Variants in GBP3 observed in about 807,000 individuals in gnomAD.
GBP3 encodes the protein guanylate-binding protein 3.
GBP3 carries 55 observed loss-of-function variants against 62.4 expected under a neutral mutation model. The observed-to-expected ratio is 0.88, with a 90% CI of 0.71 to 1.10. GBP3 has a LOEUF of 1.10. Among genes scored for constraint, GBP3 ranks in the 50% least tolerant of loss-of-function variants. The pLI is 0.00. For missense variants in GBP3, 605 were observed against 690.6 expected (o/e 0.88, Z 1.39); for synonymous variants, 208 against 259.2 (o/e 0.80, Z 1.90).
intron 3 of GBP3, 81 bp downstream of exon 3, chr1:89,015,206 C>A (rs1175392085): frequency 1.4e-6 from 2 of 1,382,158 alleles, no homozygotes; most frequent in Non-Finnish European, 2.0e-6. Flanking sequence ...AATGCAAACT[C>A]TTCTTTAAGA....
chr1:89,021,499 T>TGC (rs143944083), intron 1 of GBP3, among the ~76,000 whole-genome samples: 4,365 of 118,918 alleles, frequency 0.037, 163 homozygotes, highest in East Asian at 0.15. Context: ...GAAACACGCA[T>TGC]GCGCGCGCGC....
At position 89,007,835 on chromosome 1, in the gene GBP3, T is replaced by C. The variant is rs1293103850; in HGVS notation, c.1677A>G (p.Leu559=). ...TACTTTCACCTTGGCATCTCTCCTT[T>C]AGTACTCGGGCCTGTTCCTAAAAAG... ...TSKLQEQARV[L]KERCQGESTQ... Residue 559 remains leucine, a synonymous_variant, in exon 11 of 11, where the codon CTA becomes CTG. Coordinates refer to ENST00000370481, the MANE Select transcript of GBP3 (RefSeq NM_018284.3). 1.9e-6 allele frequency: 3 copies of C among 1,613,634 alleles called. No individual in the cohort carries two copies. The highest frequency in any genetic ancestry group is 1.1e-5 in the South Asian group (1 of 91,044).
chr1:89,013,237 A>G lies in GBP3; in HGVS notation c.816T>C (p.Phe272=), dbSNP rs1240467632. 9 of 1,614,164 alleles carry G rather than the reference A, an allele frequency of 5.6e-6. No individual in the cohort carries two copies. Among genetic ancestry groups the G allele is most frequent in the Non-Finnish European group, 7.6e-6 (9 of 1,180,008 alleles). The part of the protein sequence containing the change: ...QQVADFCSYI[F]SNSKTKTLSG... ...AAAGAGTTTTAGTTTTGGAATTGCT[A>G]AAGATGTAGGAACAGAAGTCTGCTA... The change falls in exon 6 of 11, where the codon TTT becomes TTC. Residue 272 remains phenylalanine, a synonymous_variant. Transcript: ENST00000370481.
intron 10 of GBP3, 188 bp downstream of exon 10, chr1:89,008,759 A>C: frequency 9.0e-7 from 1 of 1,113,154 alleles, no homozygotes; most frequent in South Asian, 1.7e-5. Context: ...ACACCCTGCA[A>C]ATAAACTTTT....
chr1:89,012,147 T>A lies in GBP3; in HGVS notation c.869-120A>T, dbSNP rs6659829. ...CACAGCATCAAGGTCCTCAGAATCA[T>A]CTGGAAGCTTGCTGGAAATGCCTAT... On this transcript the variant is annotated intron_variant, in intron 6 of 10. Coordinates refer to ENST00000370481, the MANE Select transcript of GBP3 (RefSeq NM_018284.3). 2 of 1,011,772 alleles carry A rather than the reference T, an allele frequency of 2.0e-6. 1 individual carries two copies. Among genetic ancestry groups the A allele is most frequent in the Non-Finnish European group, 2.9e-6 (2 of 693,810 alleles). The allele number at this position is 1,011,772 out of a possible 1,614,324, so 62.7% of individuals were successfully genotyped here. A position where few individuals can be genotyped will look rare whatever the true frequency, so the allele number is the denominator to read the frequency against.
intron 8 of GBP3, among the ~76,000 whole-genome samples, chr1:89,009,944 CCA>C (rs1678461745): frequency 6.6e-6 from 1 of 152,130 alleles, no homozygotes; most frequent in South Asian, 2.1e-4. Flanking sequence ...TCCTTTAAAT[CCA>C]GTTTGAAACC....
At chr1:89,017,490 A>G (rs10922538) in intron 2 of GBP3, among the ~76,000 whole-genome samples, 11,962 of 152,240 alleles carry the variant, frequency 0.079, 1,574 homozygotes, top group African/African-American at 0.27. Context: ...AAAATGAAAA[A>G]CTTTTGTGCA....
rs1678292384 is a variant in GBP3, at chr1:89,007,658, C to T, written c.*66G>A. 2 of 1,469,990 alleles carry T rather than the reference C, an allele frequency of 1.4e-6. No homozygotes were observed. The highest frequency in any genetic ancestry group is 1.9e-6 in the Non-Finnish European group (2 of 1,073,586). 91.1% of individuals were successfully genotyped at this position (1,469,990 alleles called of 1,614,324 possible). On this transcript the variant is annotated 3_prime_UTR_variant, in exon 11 of 11. Coordinates refer to ENST00000370481, the MANE Select transcript of GBP3 (RefSeq NM_018284.3). Reference sequence around the variant, plus strand: ...CTAATTATTATCAAATATAGTGACACTTGTTCCAAATTCTAAAATTGTTTC... The same window carrying T: ...CTAATTATTATCAAATATAGTGACATTTGTTCCAAATTCTAAAATTGTTTC...
chr1:89,018,051 C>A (rs1678981734), intron 2 of GBP3, among the ~76,000 whole-genome samples: 1 of 151,520 alleles, frequency 6.6e-6, no homozygotes, highest in African/African-American at 2.4e-5. Flanking sequence ...TGCACTCCAG[C>A]CTGGGTGACA....
Position 89,012,746 on chromosome 1 carries a change from C to T in GBP3, c.868+439G>A, listed in dbSNP as rs545537243. On this transcript the variant is annotated intron_variant, in intron 6 of 10. Coordinates refer to ENST00000370481, the MANE Select transcript of GBP3 (RefSeq NM_018284.3). Reference sequence around the variant, plus strand: ...ATCTTTTCCCACCAAGAAGGTTGACCAACAAAATCTATTAGAAATGTTGGT... The same window carrying T: ...ATCTTTTCCCACCAAGAAGGTTGACTAACAAAATCTATTAGAAATGTTGGT... Among the ~76,000 whole-genome samples, 4 of 137,694 alleles carry T rather than the reference C, an allele frequency of 2.9e-5. 1 individual carries two copies. In the South Asian group the frequency reaches 9.7e-4, roughly 33 times the overall value. 90.3% of individuals were successfully genotyped at this position (137,694 alleles called of 152,430 possible). A position where few individuals can be genotyped will look rare whatever the true frequency, so the allele number is the denominator to read the frequency against.
chr1:89,016,362 A>T (rs1321836662), intron 2 of GBP3, among the ~76,000 whole-genome samples: 1 of 152,018 alleles, frequency 6.6e-6, no homozygotes, highest in African/African-American at 2.4e-5. Context: ...ACACACACAC[A>T]CACAAAATTA....
intron 3 of GBP3, 48 bp from the exon 4 acceptor site, chr1:89,014,704 G>A (rs759750584): frequency 2.2e-5 from 36 of 1,610,262 alleles, no homozygotes; most frequent in Admixed American, 8.4e-5. Context: ...CATCATCACA[G>A]CACTTTCCAG....
intron 2 of GBP3, chr1:89,020,121 C>T: frequency 3.1e-6 from 1 of 322,752 alleles, no homozygotes; most frequent in South Asian, 2.7e-5. Context: ...CATCTGTAGT[C>T]CTACCTACTC....
In GBP3 at chr1:89,019,347, G is replaced by A. The variant is rs189441634; in HGVS notation, c.190+1185C>T. 1.4e-4 allele frequency among the ~76,000 whole-genome samples: 22 copies of A among 152,370 alleles called. No homozygotes were observed. In the South Asian group the frequency reaches 4.1e-3, roughly 29 times the overall value. On this transcript the variant is annotated intron_variant, in intron 2 of 10. Coordinates refer to ENST00000370481, the MANE Select transcript of GBP3 (RefSeq NM_018284.3). The stretch of plus-strand genomic sequence containing the variant: ...CTCTATGCCCAGGCTGGAGTGCAAA[G>A]GCACGATCTTGGCTCACCGCAACCT...
chr1:89,014,326 T>C lies in GBP3; in HGVS notation c.429-47A>G, dbSNP rs927069247. On this transcript the variant is annotated intron_variant, in intron 4 of 10. Coordinates refer to ENST00000370481, the MANE Select transcript of GBP3 (RefSeq NM_018284.3). ...TGTGACAAAATGAACAGGAACCTCA[T>C]CCCATATTAGTTCAACACATTCCCA... 2.5e-6 allele frequency: 4 copies of C among 1,613,406 alleles called. No individual in the cohort carries two copies. In the Admixed American group the frequency reaches 6.7e-5, roughly 27 times the overall value.
At chr1:89,008,920 G>A (rs374254544) in intron 10 of GBP3, 27 bp downstream of exon 10, 12 of 1,613,660 alleles carry the variant, frequency 7.4e-6, no homozygotes, top group African/African-American at 4.0e-5. Flanking sequence ...ACAGAAAAAC[G>A]AACCACAAGG....
At chr1:89,013,486 A>T in intron 5 of GBP3, 59 bp from the exon 6 acceptor site, 1 of 1,530,654 alleles carries the variant, frequency 6.5e-7, no homozygotes, top group Non-Finnish European at 8.8e-7. Flanking sequence ...AGCGTCAAAT[A>T]GTAAATATTT....
Position 89,009,015 on chromosome 1 carries a change from C to T in GBP3, c.1591G>A (p.Glu531Lys), listed in dbSNP as rs778659868. Residue 531 changes from glutamate (E) to lysine (K), a missense_variant, in exon 10 of 11, where the codon GAG (glutamate) becomes AAG (lysine). Around this residue, in one of 3 missense-constraint regions of GBP3, gnomAD observed 160 missense variants for 147.8 expected, o/e 1.08. Transcript: ENST00000370481. Reference sequence around the variant, plus strand: ...TGGGCCCTCTCCCTCTCCATCTTCTCAGTCAATTGTTTCACATGTTCTTGA... The same window carrying T: ...TGGGCCCTCTCCCTCTCCATCTTCTTAGTCAATTGTTTCACATGTTCTTGA... ...SYQEHVKQLT[E>K]KMERERAQLL... The T allele has an allele frequency of 4.3e-6, 7 of 1,614,100 alleles. No individual in the cohort carries two copies. The South Asian group carries it at 5.5e-5, about 13-fold the overall frequency.
At chr1:89,018,730 T>A (rs1446382075) in intron 2 of GBP3, among the ~76,000 whole-genome samples, 2 of 152,140 alleles carry the variant, frequency 1.3e-5, no homozygotes, top group African/African-American at 4.8e-5. Flanking sequence ...CACCTCATAA[T>A]CAAACGACCC....
Sources: allele counts gnomAD v4.1 joint callset (sites outside exome capture counted in the v4.1 genomes callset), GRCh38; gene constraint gnomAD v4.1.1; regional missense constraint gnomAD v4.1.1; transcripts MANE v1.5; gene names NCBI Gene and HGNC (gene_info 2026-07-23, HGNC 2026-07-21).